Variants in IGBP1 observed in about 807,000 individuals in gnomAD.
IGBP1 encodes immunoglobulin binding protein 1.
IGBP1 carries 2 observed loss-of-function variants against 25.9 expected under a neutral mutation model. That is an observed-to-expected ratio of 0.08 (90% CI 0.03 to 0.24). The LOEUF (loss-of-function observed/expected upper bound fraction) is 0.24, where lower values mean the gene tolerates loss of function less well. Ranked by LOEUF, IGBP1 falls within the 10% of genes least tolerant of loss-of-function variation. The probability of loss-of-function intolerance (pLI) is 1.00; values close to 1 mark genes in which losing one functional copy is unlikely to be tolerated. For missense variants in IGBP1, 187 were observed against 260.4 expected, an observed-to-expected ratio of 0.72 and a Z score of 1.94; for synonymous variants, 96 against 93.4, an observed-to-expected ratio of 1.03 and a Z score of -0.16.
intron 6 of IGBP1, among the ~76,000 whole-genome samples, chrX:70,159,852 C>T (rs1298164991): frequency 9.0e-6 from 1 of 111,224 alleles, no homozygotes; most frequent in East Asian, 2.8e-4. Context: ...GGCAACACAG[C>T]CCCAGGAATG....
chrX:70,139,326 AAAG>A (rs2085116275), intron 3 of IGBP1, among the ~76,000 whole-genome samples: 1 of 109,991 alleles, frequency 9.1e-6, no homozygotes, highest in Admixed American at 9.6e-5. Context: ...AAAAAAAAAA[AAAG>A]AAAAGAAAAG....
chrX:70,161,889 A>G (rs2085272695), intron 6 of IGBP1, among the ~76,000 whole-genome samples: 1 of 111,910 alleles, frequency 8.9e-6, no homozygotes, highest in Admixed American at 9.5e-5. Flanking sequence ...GAACTTGGGC[A>G]GGAAAGTAAA....
At position 70,134,745 on chromosome X, in the gene IGBP1, C is replaced by T; in HGVS notation, c.411C>T (p.His137=). ...PKTMNNSAEN[H]TANSSMAYPS... ...CCATGAACAACTCTGCTGAAAATCA[C>T]ACTGCCAATTCCTCCATGGCTTATC... The change falls in exon 3 of 7, where the codon CAC becomes CAT. Residue 137 remains histidine, a synonymous_variant. Transcript: ENST00000356413. 1.7e-6 allele frequency: 2 copies of T among 1,211,535 alleles called. No homozygotes were observed. The highest frequency in any genetic ancestry group is 1.1e-6 in the Non-Finnish European group (1 of 894,927).
chrX:70,148,461 G>A lies in IGBP1; in HGVS notation c.679-300G>A, dbSNP rs540439328. ...AGGGATTTAGATGGAACATGGAAGA[G>A]GGCTTTGGAATCTCCTTCTTTGGAC... On this transcript the variant is annotated intron_variant, in intron 4 of 6. Coordinates refer to ENST00000356413, the MANE Select transcript of IGBP1 (RefSeq NM_001551.3). The A allele has an allele frequency of 7.9e-5, 23 of 291,115 alleles. 1 individual carries two copies. The South Asian group carries it at 9.3e-4, about 12-fold the overall frequency. The allele number at this position is 291,115 out of a possible 1,213,427, so 24.0% of individuals were successfully genotyped here. A position where few individuals can be genotyped will look rare whatever the true frequency, so the allele number is the denominator to read the frequency against.
chrX:70,137,621 G>A (rs767677484), intron 3 of IGBP1, among the ~76,000 whole-genome samples: 85 of 109,479 alleles, frequency 7.8e-4, no homozygotes, highest in Admixed American at 2.7e-3. Flanking sequence ...GGGATAGTGA[G>A]TGACTGAGGA....
intron 3 of IGBP1, among the ~76,000 whole-genome samples, chrX:70,141,619 G>C (rs2085130689): frequency 9.0e-6 from 1 of 111,524 alleles, no homozygotes; most frequent in South Asian, 3.8e-4. Flanking sequence ...CCAGTAATTG[G>C]ATCATAGTGG....
chrX:70,146,836 TG>T lies in IGBP1; in HGVS notation c.678+10del, dbSNP rs772605387. ...AGAGACTCTTCAAGAGAGGTAAGCC[TG>T]GCCAGAGAAATCTACTGCCAGAGAT... is the stretch of plus-strand genomic sequence containing the variant. On this transcript the variant is annotated intron_variant, in intron 4 of 6. Transcript: ENST00000356413. 4.3e-6 allele frequency: 5 copies of T among 1,159,741 alleles called. No individual in the cohort carries two copies. In the South Asian group the frequency reaches 9.0e-5, roughly 21 times the overall value.
chrX:70,146,669 T>G lies in IGBP1; in HGVS notation c.519T>G (p.Ser173=). 8.3e-7 allele frequency: 1 copy of G among 1,209,331 alleles called. No individual in the cohort carries two copies. The highest frequency in any genetic ancestry group is 1.1e-6 in the Non-Finnish European group (1 of 893,890). The change falls in exon 4 of 7, where the codon TCT becomes TCG. Residue 173 remains serine, a synonymous_variant. Transcript: ENST00000356413. Reference sequence around the variant, plus strand: ...AGAAGGAGTTGGAGCATAGGTTGTCTGCAATGAAATCTGCTGTGGAAAGTG... The same window carrying G: ...AGAAGGAGTTGGAGCATAGGTTGTCGGCAATGAAATCTGCTGTGGAAAGTG... The part of the protein sequence containing the change: ...KQKKELEHRL[S]AMKSAVESGQ...
At position 70,165,925 on chromosome X, in the gene IGBP1, G is replaced by A; in HGVS notation, c.964G>A (p.Asp322Asn). Residue 322 changes from aspartate (D) to asparagine (N), a missense_variant, in exon 7 of 7, where the codon GAT (aspartate) becomes AAT (asparagine). By Grantham distance (23) the Asp-to-Asn change is conservative. Transcript: ENST00000356413. ...EQTLHRAREW[D>N]DWKDTHPRGY... is the part of the protein sequence containing the mutation. ...AACACTCCACAGAGCCCGGGAGTGG[G>A]ATGACTGGAAGGACACCCATCCTAG... The A allele has an allele frequency of 8.3e-7, 1 of 1,210,001 alleles. No individual in the cohort carries two copies. Among genetic ancestry groups the A allele is most frequent in the East Asian group, 3.0e-5 (1 of 33,814 alleles).
intron 6 of IGBP1, among the ~76,000 whole-genome samples, chrX:70,151,029 T>C (rs376090634): frequency 1.8e-5 from 2 of 110,480 alleles, no homozygotes; most frequent in East Asian, 5.8e-4. Flanking sequence ...GGCGCGATCT[T>C]GGCTCACTGC....
intron 6 of IGBP1, among the ~76,000 whole-genome samples, chrX:70,159,171 T>C (rs997597566): frequency 1.8e-5 from 2 of 110,481 alleles, no homozygotes; most frequent in Non-Finnish European, 3.8e-5. Flanking sequence ...TAGGCTAAAG[T>C]AGAAGGAAAC....
chrX:70,136,794 C>T (rs2085097889), intron 3 of IGBP1, among the ~76,000 whole-genome samples: 1 of 109,474 alleles, frequency 9.1e-6, no homozygotes, highest in Admixed American at 9.9e-5. Flanking sequence ...GCTGCAACCT[C>T]CACCTCCTGG....
At chrX:70,139,306 C>T (rs2085115695) in intron 3 of IGBP1, among the ~76,000 whole-genome samples, 1 of 93,597 alleles carries the variant, frequency 1.1e-5, no homozygotes, top group Admixed American at 1.2e-4. Flanking sequence ...AGCGAGACTC[C>T]GTCTCAAAAA....
At chrX:70,143,253 C>T (rs375493855) in intron 3 of IGBP1, among the ~76,000 whole-genome samples, 41 of 111,259 alleles carry the variant, frequency 3.7e-4, no homozygotes, top group African/African-American at 1.3e-3. Flanking sequence ...AGGCCGGTCT[C>T]GAACTCCCGA....
chrX:70,146,121 G>A (rs2085164838), intron 3 of IGBP1, among the ~76,000 whole-genome samples: 1 of 111,974 alleles, frequency 8.9e-6, no homozygotes, highest in Non-Finnish European at 1.9e-5. Flanking sequence ...TGAGTCTTCA[G>A]ATGATAAAAG....
At chrX:70,145,454 C>G (rs1409599905) in intron 3 of IGBP1, among the ~76,000 whole-genome samples, 1 of 111,262 alleles carries the variant, frequency 9.0e-6, no homozygotes, top group East Asian at 2.8e-4. Flanking sequence ...TCATAGCCCC[C>G]ACAGCCCATA....
chrX:70,155,964 G>A (rs1011049926), intron 6 of IGBP1, among the ~76,000 whole-genome samples: 1 of 111,494 alleles, frequency 9.0e-6, no homozygotes, highest in African/African-American at 3.3e-5. Context: ...TTATTCATTG[G>A]CCCAATTTCA....
chrX:70,135,795 G>T (rs890286413), intron 3 of IGBP1, among the ~76,000 whole-genome samples: 1 of 111,437 alleles, frequency 9.0e-6, no homozygotes, highest in Non-Finnish European at 1.9e-5. Context: ...AATGTTGTAG[G>T]GTCCACATCA....
chrX:70,137,887 C>T (rs1032449652), intron 3 of IGBP1, among the ~76,000 whole-genome samples: 1 of 108,225 alleles, frequency 9.2e-6, no homozygotes, highest in African/African-American at 3.4e-5. Context: ...AATCCCAACA[C>T]TTCGGGAGGC....
Sources: gnomAD v4.1 joint callset for allele counts (sites outside exome capture counted in the v4.1 genomes callset) on GRCh38, gnomAD v4.1.1 for gene constraint, MANE v1.5 for transcripts, NCBI Gene and HGNC (gene_info 2026-07-23, HGNC 2026-07-21) for gene names.